Variants in RYR2 observed in about 807,000 individuals in gnomAD.
The protein encoded by RYR2 is cardiac muscle ryanodine receptor-calcium release channel.
Under a neutral mutation model 601.1 loss-of-function variants are expected in RYR2, and 227 were observed. The ratio of observed to expected loss-of-function variants is 0.38; its 90% CI spans 0.34 to 0.42. The LOEUF is 0.42. Ranked by LOEUF, RYR2 falls within the 10% of genes least tolerant of loss-of-function variation. The pLI is 1.00. For missense variants in RYR2, 4,646 were observed against 6,156.5 expected, an observed-to-expected ratio of 0.75 and a Z score of 8.21; for synonymous variants, 2,223 against 2,175.1, an observed-to-expected ratio of 1.02 and a Z score of -0.61.
chr1:237,391,744 G>C (rs773467387), intron 10 of RYR2, among the ~76,000 whole-genome samples: 9 of 152,064 alleles, frequency 5.9e-5, no homozygotes, highest in Admixed American at 4.6e-4. Flanking sequence ...ATTTAGATAT[G>C]TATGTGTATG....
intron 1 of RYR2, among the ~76,000 whole-genome samples, chr1:237,229,554 GTGACCC>G (rs1684747450): frequency 6.6e-6 from 1 of 152,126 alleles, no homozygotes; most frequent in Non-Finnish European, 1.5e-5. Context: ...TGACCCGGAA[GTGACCC>G]TATAATGGGG....
At chr1:237,351,490 A>G (rs1056485196) in intron 3 of RYR2, among the ~76,000 whole-genome samples, 1 of 152,062 alleles carries the variant, frequency 6.6e-6, no homozygotes. Flanking sequence ...TAACAATATT[A>G]GAAATGAAAA....
intron 1 of RYR2, among the ~76,000 whole-genome samples, chr1:237,157,707 A>G (rs550416110): frequency 6.6e-6 from 1 of 152,340 alleles, no homozygotes; most frequent in South Asian, 2.1e-4. Context: ...GATAGTGAAT[A>G]GAATGGTGGT....
At chr1:237,578,796 C>T (rs1465945501) in intron 29 of RYR2, among the ~76,000 whole-genome samples, 2 of 151,534 alleles carry the variant, frequency 1.3e-5, no homozygotes, top group Non-Finnish European at 2.9e-5. Flanking sequence ...GGAGTGGGGG[C>T]ATGTACGCTC....
chr1:237,753,633 T>G (rs1404093541), intron 80 of RYR2, among the ~76,000 whole-genome samples: 2 of 152,122 alleles, frequency 1.3e-5, no homozygotes, highest in Non-Finnish European at 2.9e-5. Context: ...ATTCTGGAGC[T>G]GCTCTTTTTT....
chr1:237,591,762 C>G lies in RYR2; in HGVS notation c.4184C>G (p.Pro1395Arg). The G allele has an allele frequency of 6.2e-7, 1 of 1,613,160 alleles. No individual in the cohort carries two copies. The highest frequency in any genetic ancestry group is 8.5e-7 in the Non-Finnish European group (1 of 1,179,586). The part of the protein sequence containing the change: ...KQRFLLRRTK[P>R]DYSTSHSARL... ...AGATTTTTGCTTAGAAGAACAAAGC[C>G]AGATTACAGCACAAGCCATTCTGCA... The change falls in exon 32 of 105, where the codon CCA becomes CGA. Residue 1395 changes from proline to arginine, a missense_variant. Coordinates refer to ENST00000366574, the MANE Select transcript of RYR2 (RefSeq NM_001035.3).
chr1:237,205,976 A>G (rs1375465645), intron 1 of RYR2, among the ~76,000 whole-genome samples: 5 of 152,244 alleles, frequency 3.3e-5, no homozygotes, highest in Admixed American at 2.6e-4. Flanking sequence ...AAATTGGAGA[A>G]GTTCCAGCGG....
At position 237,219,010 on chromosome 1, in the gene RYR2, A is replaced by ATTT. The variant is rs754644450; in HGVS notation, c.49-51468_49-51466dup. ...CATCTTTCTGCTTTCCTTATACTTG[A>ATTT]TTTTTTTTTTTTTTTTTTTTTAGCT... On this transcript the variant is annotated intron_variant, in intron 1 of 104. Coordinates refer to ENST00000366574, the MANE Select transcript of RYR2 (RefSeq NM_001035.3). Among the ~76,000 whole-genome samples, 485 of 121,676 alleles carry ATTT rather than the reference A, an allele frequency of 4.0e-3. 9 individuals carry two copies. Among genetic ancestry groups the ATTT allele is most frequent in the Middle Eastern group, 0.018 (4 of 222 alleles). 79.8% of individuals were successfully genotyped at this position (121,676 alleles called of 152,430 possible).
intron 99 of RYR2, 119 bp downstream of exon 99, chr1:237,806,402 G>A (rs1222377807): frequency 2.1e-6 from 2 of 965,006 alleles, no homozygotes; most frequent in Admixed American, 5.2e-5. Flanking sequence ...TTTGAAGGGA[G>A]GGTCTGCACC....
chr1:237,606,524 TA>T, intron 35 of RYR2, among the ~76,000 whole-genome samples: 1 of 152,156 alleles, frequency 6.6e-6, no homozygotes, highest in Non-Finnish European at 1.5e-5. Context: ...ACTTCATGTC[TA>T]AAACACCAAA....
At chr1:237,509,193 T>C (rs577573577) in intron 23 of RYR2, among the ~76,000 whole-genome samples, 12 of 152,308 alleles carry the variant, frequency 7.9e-5, no homozygotes, top group African/African-American at 2.9e-4. Context: ...GGTCTGCTGC[T>C]GTTGTGTTAG....
chr1:237,525,167 T>C (rs1388837262), intron 24 of RYR2, among the ~76,000 whole-genome samples: 1 of 152,132 alleles, frequency 6.6e-6, no homozygotes, highest in African/African-American at 2.4e-5. Flanking sequence ...TTTCTGTCTT[T>C]ATATCTGTGT....
At chr1:237,625,954 A>G (rs1679600542) in intron 40 of RYR2, 150 bp downstream of exon 40, 3 of 773,602 alleles carry the variant, frequency 3.9e-6, no homozygotes, top group Non-Finnish European at 2.0e-6. Context: ...TGTAGCTCCC[A>G]GAAATAAACA....
chr1:237,506,933 C>A (rs1436068775), intron 23 of RYR2, 119 bp downstream of exon 23: 2 of 841,634 alleles, frequency 2.4e-6, no homozygotes, highest in African/African-American at 1.7e-5. Flanking sequence ...TGATTTTTTT[C>A]CCCCTACACA....
Position 237,678,044 on chromosome 1 carries a change from A to G in RYR2, c.8831-4A>G, listed in dbSNP as rs1253963504. The stretch of plus-strand genomic sequence containing the variant: ...ATTTACCTAAAAACTCTTCAAATCT[A>G]CAGATGGTGGCAGCAGAGGCAAAGG... On this transcript the variant is annotated splice_region_variant and splice_polypyrimidine_tract_variant and intron_variant, in intron 60 of 104. Coordinates refer to ENST00000366574, the MANE Select transcript of RYR2 (RefSeq NM_001035.3). 8 of 1,590,710 alleles carry G rather than the reference A, an allele frequency of 5.0e-6. No homozygotes were observed. The highest frequency in any genetic ancestry group is 6.9e-6 in the Non-Finnish European group (8 of 1,160,344).
At chr1:237,373,605 T>A (rs758615251) in intron 6 of RYR2, among the ~76,000 whole-genome samples, 1 of 152,210 alleles carries the variant, frequency 6.6e-6, no homozygotes, top group Non-Finnish European at 1.5e-5. Flanking sequence ...TCTCTGTTCT[T>A]ACAACACTTT....
At chr1:237,416,363 C>T (rs970345641) in intron 10 of RYR2, among the ~76,000 whole-genome samples, 5 of 152,118 alleles carry the variant, frequency 3.3e-5, no homozygotes, top group African/African-American at 9.7e-5. Flanking sequence ...AAAATAATCT[C>T]AAGGCGTTGG....
In RYR2 at chr1:237,742,270, CTTT is replaced by C. The variant is rs397516499; in HGVS notation, c.11092-13_11092-11del. The C allele has an allele frequency of 4.1e-4, 480 of 1,179,362 alleles. No homozygotes were observed. The highest frequency in any genetic ancestry group is 7.4e-4 in the Middle Eastern group (3 of 4,062). 73.1% of individuals were successfully genotyped at this position (1,179,362 alleles called of 1,614,324 possible). On this transcript the variant is annotated intron_variant, in intron 79 of 104. Transcript: ENST00000366574. ...TAAAATCTCAACATATTCCTGTCTC[CTTT>C]TTTTTTTTTTTTAAATATACAGAGT...
chr1:237,191,513 C>A (rs182178475), intron 1 of RYR2, among the ~76,000 whole-genome samples: 1 of 151,640 alleles, frequency 6.6e-6, no homozygotes, highest in Non-Finnish European at 1.5e-5. Context: ...CGGGAAGAAG[C>A]TGTTTACCAG....
Sources: gnomAD v4.1 joint callset for allele counts (sites outside exome capture counted in the v4.1 genomes callset) on GRCh38, gnomAD v4.1.1 for gene constraint, MANE v1.5 for transcripts, NCBI Gene and HGNC (gene_info 2026-07-23, HGNC 2026-07-21) for gene names.